Variants in CACNA2D3 observed in about 807,000 individuals in gnomAD.
CACNA2D3 encodes calcium voltage-gated channel auxiliary subunit alpha2delta 3, also known as voltage-dependent calcium channel subunit alpha-2/delta-3.
In CACNA2D3, 60 loss-of-function variants were observed where a neutral mutation model predicts 160.6. The ratio of observed to expected loss-of-function variants is 0.37; its 90% CI spans 0.30 to 0.46. CACNA2D3 has a LOEUF of 0.46. Among genes scored for constraint, CACNA2D3 ranks in the 20% least tolerant of loss-of-function variants. CACNA2D3 has a pLI of 1.00. For synonymous variants in CACNA2D3, 558 were observed against 492.9 expected (o/e 1.13, Z -1.75); for missense variants, 1,205 against 1,365.0 (o/e 0.88, Z 1.85).
At chr3:54,789,903 C>T (rs760459354) in intron 13 of CACNA2D3, 1 of 513,204 alleles carries the variant, frequency 1.9e-6, no homozygotes, top group Admixed American at 1.9e-5. Flanking sequence ...TTTCAGGGGT[C>T]AGAGCCCATT....
intron 35 of CACNA2D3, among the ~76,000 whole-genome samples, chr3:55,045,811 A>G (rs1273472510): frequency 6.6e-6 from 1 of 152,000 alleles, no homozygotes; most frequent in African/African-American, 2.4e-5. Context: ...AAAACAGTCT[A>G]AAAGTTTATT....
chr3:54,823,803 T>C (rs1458386452), intron 14 of CACNA2D3, among the ~76,000 whole-genome samples: 2 of 152,234 alleles, frequency 1.3e-5, no homozygotes, highest in African/African-American at 2.4e-5. Flanking sequence ...CATAGACATA[T>C]TTAATAGTGG....
chr3:54,166,891 T>C (rs1479956156), intron 2 of CACNA2D3, among the ~76,000 whole-genome samples: 1 of 152,238 alleles, frequency 6.6e-6, no homozygotes. Flanking sequence ...AGATTTCAGG[T>C]CATTTTTCCT....
At chr3:54,557,276 G>A (rs141404493) in intron 5 of CACNA2D3, among the ~76,000 whole-genome samples, 174 of 152,054 alleles carry the variant, frequency 1.1e-3, no homozygotes, top group African/African-American at 4.0e-3. Flanking sequence ...TGGAAAAATC[G>A]AAGCCCCCTC....
intron 2 of CACNA2D3, among the ~76,000 whole-genome samples, chr3:54,132,992 T>C (rs140134252): frequency 1.3e-4 from 20 of 152,254 alleles, no homozygotes; most frequent in African/African-American, 4.8e-4. Context: ...TAGACTGTTG[T>C]CATTGTTATT....
At chr3:54,226,083 G>A (rs1166561060) in intron 2 of CACNA2D3, among the ~76,000 whole-genome samples, 2 of 152,036 alleles carry the variant, frequency 1.3e-5, no homozygotes, top group Non-Finnish European at 2.9e-5. Context: ...GTTTACCAGC[G>A]TTTCTCAATG....
At chr3:54,447,314 A>C (rs1330457828) in intron 4 of CACNA2D3, among the ~76,000 whole-genome samples, 1 of 152,246 alleles carries the variant, frequency 6.6e-6, no homozygotes, top group African/African-American at 2.4e-5. Flanking sequence ...GTATGAAAAG[A>C]AAAAAGAAGA....
Position 54,904,773 on chromosome 3 carries a change from A to G in CACNA2D3, c.2449+4905A>G, listed in dbSNP as rs182506592. 2.9e-3 allele frequency among the ~76,000 whole-genome samples: 449 copies of G among 152,356 alleles called. 2 individuals are homozygous for G. Among genetic ancestry groups the G allele is most frequent in the African/African-American group, 0.01 (426 of 41,584 alleles). On this transcript the variant is annotated intron_variant, in intron 27 of 37. Transcript: ENST00000474759. ...ATTTTCACCTTCTTTATGTAGGTAC[A>G]TATTTATTGACCAGATAGTGGAAAC...
chr3:54,695,902 ATGT>A (rs749416574), intron 11 of CACNA2D3, among the ~76,000 whole-genome samples: 2 of 152,224 alleles, frequency 1.3e-5, no homozygotes, highest in Non-Finnish European at 2.9e-5. Context: ...AAGTTTAAAA[ATGT>A]TGTGAAGTCA....
intron 11 of CACNA2D3, among the ~76,000 whole-genome samples, chr3:54,679,202 G>A (rs1048727321): frequency 2.0e-5 from 3 of 152,108 alleles, no homozygotes; most frequent in African/African-American, 7.2e-5. Flanking sequence ...TACTGGAAGG[G>A]GACGGTCTTT....
chr3:54,588,196 G>A (rs1478352646), intron 9 of CACNA2D3, among the ~76,000 whole-genome samples: 1 of 152,088 alleles, frequency 6.6e-6, no homozygotes, highest in East Asian at 1.9e-4. Flanking sequence ...ATATCAACAA[G>A]CTGAAAATGA....
intron 2 of CACNA2D3, among the ~76,000 whole-genome samples, chr3:54,210,096 A>G (rs555599049): frequency 7.2e-5 from 11 of 152,346 alleles, no homozygotes; most frequent in African/African-American, 2.6e-4. Flanking sequence ...AGCATGATAA[A>G]TAAGAAAACA....
chr3:55,050,127 T>C (rs1246836509), intron 35 of CACNA2D3, among the ~76,000 whole-genome samples: 1 of 151,914 alleles, frequency 6.6e-6, no homozygotes, highest in Middle Eastern at 3.2e-3. Flanking sequence ...TTGTTATGTA[T>C]GAATTTGATC....
chr3:54,301,869 A>G (rs546461480), intron 2 of CACNA2D3, among the ~76,000 whole-genome samples: 1 of 152,364 alleles, frequency 6.6e-6, no homozygotes, highest in East Asian at 1.9e-4. Flanking sequence ...TGACTCAGGC[A>G]GATACATGTC....
chr3:54,531,970 T>C lies in CACNA2D3; in HGVS notation c.544+28316T>C, dbSNP rs1473629851. ...ATTTCACCCTTGGCTTGGCAGCCGG[T>C]GTCTTGCCTCTCCGCGAGCCCACAC... is the stretch of plus-strand genomic sequence containing the variant. On this transcript the variant is annotated intron_variant, in intron 5 of 37. Coordinates refer to ENST00000474759, the MANE Select transcript of CACNA2D3 (RefSeq NM_018398.3). Among the ~76,000 whole-genome samples the C allele has an allele frequency of 3.3e-5, 5 of 152,202 alleles. No individual in the cohort carries two copies. In the East Asian group the frequency reaches 9.6e-4, roughly 29 times the overall value.
intron 4 of CACNA2D3, among the ~76,000 whole-genome samples, chr3:54,468,832 G>GCTCCA (rs1700676944): frequency 6.6e-6 from 1 of 152,180 alleles, no homozygotes; most frequent in African/African-American, 2.4e-5. Context: ...ACTGGGTGGA[G>GCTCCA]CCCACTGCAG....
intron 31 of CACNA2D3, among the ~76,000 whole-genome samples, chr3:54,988,900 TAGC>T (rs1307701575): frequency 1.3e-5 from 2 of 152,260 alleles, no homozygotes; most frequent in Non-Finnish European, 2.9e-5. Flanking sequence ...GGCCTGCCTG[TAGC>T]AGATCGTCCC....
intron 2 of CACNA2D3, among the ~76,000 whole-genome samples, chr3:54,282,635 G>A (rs190726689): frequency 5.9e-5 from 9 of 152,320 alleles, no homozygotes; most frequent in Non-Finnish European, 8.8e-5. Context: ...TGATTCTTAA[G>A]TCACCAGGCT....
rs893525816 is a variant in CACNA2D3 at position 54,404,481 on chromosome 3, C to T, written c.381+17707C>T. Among the ~76,000 whole-genome samples the T allele has an allele frequency of 1.1e-4, 16 of 152,258 alleles. 1 individual carries two copies. The South Asian group carries it at 1.2e-3, about 12-fold the overall frequency. On this transcript the variant is annotated intron_variant, in intron 4 of 37. Transcript: ENST00000474759. Reference sequence around the variant, plus strand: ...CAGTTTAGGTATAGATGGAAGGTTTCTCAGCATAATAAAGTTCATTTATGA... The same window carrying T: ...CAGTTTAGGTATAGATGGAAGGTTTTTCAGCATAATAAAGTTCATTTATGA...
Sources: allele counts gnomAD v4.1 joint callset (sites outside exome capture counted in the v4.1 genomes callset), GRCh38; gene constraint gnomAD v4.1.1; transcripts MANE v1.5; gene names NCBI Gene and HGNC (gene_info 2026-07-23, HGNC 2026-07-21).